Variants in RBFOX1 observed in about 807,000 individuals in gnomAD.
RBFOX1 encodes RNA binding fox-1 homolog 1, also known as RNA binding protein fox-1 homolog 1.
A neutral mutation model predicts 57.7 loss-of-function variants in RBFOX1; 8 were observed. That is an observed-to-expected ratio of 0.14 (90% confidence interval 0.08 to 0.25). The LOEUF (loss-of-function observed/expected upper bound fraction) is 0.25, where lower values mean the gene tolerates loss of function less well. RBFOX1 is among the 10% of genes least tolerant of loss of function. The pLI is 1.00. For missense variants in RBFOX1, 611 were observed against 548.5 expected (o/e 1.11, Z -1.14); for synonymous variants, 326 against 222.4 (o/e 1.47, Z -4.15).
At chr16:7,058,185 C>T (rs569302348) in intron 4 of RBFOX1, among the ~76,000 whole-genome samples, 26 of 152,114 alleles carry the variant, frequency 1.7e-4, no homozygotes, top group Non-Finnish European at 3.1e-4. Context: ...TTCAGGCGAA[C>T]ACTAACTCAT....
chr16:6,239,706 C>G (rs541001708), intron 1 of RBFOX1, among the ~76,000 whole-genome samples: 1 of 151,944 alleles, frequency 6.6e-6, no homozygotes, highest in Admixed American at 6.6e-5. Context: ...ACCATGTTGA[C>G]CAGGCTGGTC....
At chr16:6,989,738 A>G (rs367655993) in intron 3 of RBFOX1, among the ~76,000 whole-genome samples, 13 of 152,248 alleles carry the variant, frequency 8.5e-5, no homozygotes, top group African/African-American at 3.1e-4. Context: ...TGTGGCTCAC[A>G]CCTGTAATTC....
chr16:6,119,995 A>C (rs548288607), intron 1 of RBFOX1, among the ~76,000 whole-genome samples: 1 of 152,156 alleles, frequency 6.6e-6, no homozygotes, highest in Admixed American at 6.5e-5. Flanking sequence ...CTATGTATAG[A>C]TTTTCCTTTT....
chr16:6,362,315 G>C (rs1377908805), intron 2 of RBFOX1, among the ~76,000 whole-genome samples: 1 of 152,016 alleles, frequency 6.6e-6, no homozygotes, highest in African/African-American at 2.4e-5. Context: ...AATTCTTCAG[G>C]AGTAAACTTG....
chr16:6,788,092 C>A (rs939012723), intron 3 of RBFOX1, among the ~76,000 whole-genome samples: 1 of 152,068 alleles, frequency 6.6e-6, no homozygotes, highest in Non-Finnish European at 1.5e-5. Context: ...TGTGGTGGCG[C>A]ATGCCTGTAA....
intron 3 of RBFOX1, among the ~76,000 whole-genome samples, chr16:6,659,238 C>T (rs373900985): frequency 3.4e-3 from 1 of 298 alleles, no homozygotes; most frequent in East Asian, 0.1. Context: ...GACGAGAGCC[C>T]ATTTTATAAA....
chr16:6,275,495 C>A (rs528057435), intron 1 of RBFOX1, among the ~76,000 whole-genome samples: 2 of 152,074 alleles, frequency 1.3e-5, no homozygotes, highest in Non-Finnish European at 2.9e-5. Context: ...ATTATTAACA[C>A]CTTTATTTTC....
At chr16:7,316,107 C>T (rs1419224857) in intron 4 of RBFOX1, among the ~76,000 whole-genome samples, 1 of 152,150 alleles carries the variant, frequency 6.6e-6, no homozygotes, top group African/African-American at 2.4e-5. Flanking sequence ...ATCACATTTC[C>T]TCTTTAATCA....
chr16:6,380,167 A>G (rs996608512), intron 2 of RBFOX1, among the ~76,000 whole-genome samples: 2 of 152,130 alleles, frequency 1.3e-5, no homozygotes, highest in Admixed American at 6.5e-5. Flanking sequence ...GTTGCTTTAA[A>G]TAGCCACATG....
chr16:7,152,366 C>T (rs577778350), intron 4 of RBFOX1, among the ~76,000 whole-genome samples: 3 of 152,326 alleles, frequency 2.0e-5, no homozygotes, highest in African/African-American at 4.8e-5. Flanking sequence ...AAATTTACTA[C>T]TCCATGGTTG....
At chr16:6,399,127 C>G (rs937949708) in intron 2 of RBFOX1, among the ~76,000 whole-genome samples, 3 of 152,198 alleles carry the variant, frequency 2.0e-5, no homozygotes, top group Non-Finnish European at 4.4e-5. Flanking sequence ...CTGAGCTGTA[C>G]CTTGGCCTCT....
chr16:6,628,653 G>A (rs1486171033), intron 2 of RBFOX1, among the ~76,000 whole-genome samples: 2 of 151,926 alleles, frequency 1.3e-5, no homozygotes, highest in Non-Finnish European at 2.9e-5. Context: ...GTTTGTTTGT[G>A]GTCTTTTATT....
At chr16:5,977,602 C>G (rs1431798739) in intron 4 of RBFOX1, among the ~76,000 whole-genome samples, 4 of 152,182 alleles carry the variant, frequency 2.6e-5, no homozygotes, top group Non-Finnish European at 5.9e-5. Context: ...CTGGGAACAA[C>G]TGCAAGGCTG....
At chr16:6,210,358 C>CAAAAAAAAAAAAAAACAAACAAAAAAAAA (rs1567684381) in intron 1 of RBFOX1, among the ~76,000 whole-genome samples, 1 of 96,686 alleles carries the variant, frequency 1.0e-5, no homozygotes, top group South Asian at 4.2e-4. Context: ...AAAAAAAAAA[C>CAAAAAAAAAAAAAAACAAACAAAAAAAAA]ACCAAAAAAA....
chr16:6,766,531 A>T (rs2077355423), intron 3 of RBFOX1, among the ~76,000 whole-genome samples: 1 of 151,888 alleles, frequency 6.6e-6, no homozygotes, highest in African/African-American at 2.4e-5. Context: ...TGTCCAATAG[A>T]ACTTTCTGCA....
intron 4 of RBFOX1, chr16:7,304,061 C>G (rs887720950): frequency 7.5e-5 from 26 of 348,182 alleles, no homozygotes; most frequent in Non-Finnish European, 9.3e-5. Flanking sequence ...AGGGAACCAA[C>G]TAGTTTCCAG....
intron 4 of RBFOX1, among the ~76,000 whole-genome samples, chr16:5,930,407 T>TGGGA (rs1179052792): frequency 9.1e-6 from 1 of 110,486 alleles, no homozygotes. Context: ...GTTGGGTAGG[T>TGGGA]GGGAGGGTGG....
intron 1 of RBFOX1, among the ~76,000 whole-genome samples, chr16:5,353,140 G>A (rs4786025): frequency 0.61 from 92,758 of 152,016 alleles, 31,644 homozygotes; most frequent in East Asian, 1. Context: ...TTGGGAAGCC[G>A]AGGTGGGTGG....
chr16:5,326,751 T>G (rs1168341770), intron 1 of RBFOX1, among the ~76,000 whole-genome samples: 1 of 152,246 alleles, frequency 6.6e-6, no homozygotes, highest in Non-Finnish European at 1.5e-5. Context: ...ATGATGATGA[T>G]GTCTGGCAAT....
Sources: gnomAD v4.1 joint callset for allele counts (sites outside exome capture counted in the v4.1 genomes callset) on GRCh38, gnomAD v4.1.1 for gene constraint, MANE v1.5 for transcripts, NCBI Gene and HGNC (gene_info 2026-07-23, HGNC 2026-07-21) for gene names.